The following UAP1 variants were observed in gnomAD, a reference collection of about 807,000 sequenced individuals.
UAP1 encodes the protein UDP-N-acetylglucosamine pyrophosphorylase 1.
In UAP1, 25 loss-of-function variants were observed where a neutral mutation model predicts 58.5. The ratio of observed to expected loss-of-function variants is 0.43; its 90% CI spans 0.31 to 0.60. The LOEUF (loss-of-function observed/expected upper bound fraction) is 0.60, where lower values mean the gene tolerates loss of function less well. Among genes scored for constraint, UAP1 ranks in the 20% least tolerant of loss-of-function variants. The pLI is 0.11. For missense variants in UAP1, 575 were observed against 630.0 expected, an observed-to-expected ratio of 0.91 and a Z score of 0.93; for synonymous variants, 208 against 213.0, an observed-to-expected ratio of 0.98 and a Z score of 0.21.
At chr1:162,593,809 C>T in intron 9 of UAP1, 1 of 151,794 alleles carries the variant, frequency 6.6e-6, no homozygotes, top group Non-Finnish European at 1.5e-5. Context: ...ATATGCAGGG[C>T]AAAAGATCTG....
intron 5 of UAP1, among the ~76,000 whole-genome samples, chr1:162,585,784 TA>T (rs11297669): frequency 0.99 from 147,002 of 148,282 alleles, 72,867 homozygotes; most frequent in Middle Eastern, 1. Flanking sequence ...CTGTGTGCGT[TA>T]AAAAAAAAAA....
chr1:162,594,806 A>T (rs1655522919), intron 9 of UAP1, among the ~76,000 whole-genome samples: 1 of 152,180 alleles, frequency 6.6e-6, no homozygotes, highest in Non-Finnish European at 1.5e-5. Context: ...CGCCCAGTTT[A>T]CTTCATTTTA....
rs566802079 is a variant in UAP1, at chr1:162,594,891, C to T, written c.1409+2109C>T. 1.6e-4 allele frequency among the ~76,000 whole-genome samples: 25 copies of T among 152,224 alleles called. No homozygotes were observed. The South Asian group carries it at 3.9e-3, about 24-fold the overall frequency. ...ACCATGCACTGAAAAAGAGTTCCTG[C>T]GTAATCCTTAGCACCAAAGGATGAC... On this transcript the variant is annotated intron_variant, in intron 9 of 10. Coordinates refer to ENST00000271469, the Ensembl canonical transcript of UAP1.
intron 5 of UAP1, among the ~76,000 whole-genome samples, chr1:162,583,146 C>CTTTTTTTTTTTTTTTTTTTTTTTTTTT (rs11376471): frequency 2.9e-5 from 2 of 68,044 alleles, no homozygotes; most frequent in African/African-American, 6.2e-5. Flanking sequence ...TGGTGTCACT[C>CTTTTTTTTTTTTTTTTTTTTTTTTTTT]TTTTTTTTTT....
chr1:162,564,639 T>C (rs1653375357), intron 1 of UAP1, among the ~76,000 whole-genome samples: 1 of 152,236 alleles, frequency 6.6e-6, no homozygotes, highest in South Asian at 2.1e-4. Flanking sequence ...ATCTATTGTA[T>C]CCATTGCTCC....
intron 1 of UAP1, among the ~76,000 whole-genome samples, chr1:162,564,344 A>G (rs557075698): frequency 1.8e-4 from 28 of 152,326 alleles, no homozygotes; most frequent in Non-Finnish European, 2.6e-4. Context: ...GGCATGGGGA[A>G]ATTAAGTGGC....
At position 162,576,920 on chromosome 1, in the gene UAP1, C is replaced by T. The variant is rs771507542; in HGVS notation, c.424C>T (p.Arg142Cys). Reference sequence around the variant, plus strand: ...GACACTTTTTCAGATTCAAGCAGAGCGTATCCTGAAGCTACAGCAGGTTGC... The same window carrying T: ...GACACTTTTTCAGATTCAAGCAGAGTGTATCCTGAAGCTACAGCAGGTTGC... The change falls in exon 3 of 11, where the codon CGT (arginine) becomes TGT (cysteine). Residue 142 changes from arginine (R) to cysteine (C), a missense_variant. Coordinates refer to ENST00000271469, the Ensembl canonical transcript of UAP1. 5.3e-5 allele frequency: 86 copies of T among 1,613,954 alleles called. No homozygotes were observed. The highest frequency in any genetic ancestry group is 4.7e-4 in the African/African-American group (35 of 74,880).
rs1325496734 is a variant in UAP1, at chr1:162,576,967, A to T, written c.471A>T (p.Lys157Asn). Residue 157 changes from lysine (K) to asparagine (N), a missense_variant, in exon 3 of 11, where the codon AAA becomes AAT. Coordinates refer to ENST00000271469, the Ensembl canonical transcript of UAP1. Reference sequence around the variant, plus strand: ...TTGCTGAAAAATATTATGGCAACAAATGCATTATTCCATGGTAAGATACGT... The same window carrying T: ...TTGCTGAAAAATATTATGGCAACAATTGCATTATTCCATGGTAAGATACGT... 4 of 1,614,024 alleles carry T rather than the reference A, an allele frequency of 2.5e-6. No homozygotes were observed. The highest frequency in any genetic ancestry group is 3.4e-6 in the Non-Finnish European group (4 of 1,179,988).
chr1:162,567,331 G>A (rs1653577519), intron 2 of UAP1, among the ~76,000 whole-genome samples: 1 of 152,138 alleles, frequency 6.6e-6, no homozygotes, highest in South Asian at 2.1e-4. Flanking sequence ...TGTACTAGTT[G>A]TCTCTGCATG....
intron 9 of UAP1, among the ~76,000 whole-genome samples, chr1:162,595,728 T>C (rs944130358): frequency 6.6e-6 from 1 of 152,228 alleles, no homozygotes; most frequent in Non-Finnish European, 1.5e-5. Flanking sequence ...AAGATGCACA[T>C]ACATAAAAGT....
intron 6 of UAP1, 55 bp downstream of exon 6, chr1:162,587,723 A>G: frequency 6.5e-7 from 1 of 1,546,798 alleles, no homozygotes; most frequent in African/African-American, 1.4e-5. Flanking sequence ...TCAGAAACTA[A>G]GACACTTGAG....
At chr1:162,571,259 G>T (rs1653846844) in intron 2 of UAP1, among the ~76,000 whole-genome samples, 1 of 151,892 alleles carries the variant, frequency 6.6e-6, no homozygotes, top group South Asian at 2.1e-4. Flanking sequence ...CTCCCCAGTA[G>T]CTGAGATTAT....
In UAP1 at chr1:162,593,115, A is replaced by G. The variant is rs1571093199; in HGVS notation, c.1409+333A>G. The G allele has an allele frequency of 1.2e-5, 4 of 323,456 alleles. No individual in the cohort carries two copies. The East Asian group carries it at 2.2e-4, about 18-fold the overall frequency. 20.0% of individuals were successfully genotyped at this position (323,456 alleles called of 1,614,324 possible). A position where few individuals can be genotyped will look rare whatever the true frequency, so the allele number is the denominator to read the frequency against. ...CATTTTGCACCTTTAACATAAGCTT[A>G]TACGGGGTTAAAAATACCATTCTGA... On this transcript the variant is annotated intron_variant, in intron 9 of 10. Transcript: ENST00000271469.
At chr1:162,596,207 G>A (rs541189186) in intron 9 of UAP1, among the ~76,000 whole-genome samples, 2 of 151,300 alleles carry the variant, frequency 1.3e-5, no homozygotes, top group East Asian at 1.9e-4. Context: ...ACAGAGTCTC[G>A]CTCTGTCACC....
chr1:162,585,270 T>C (rs1304052763), intron 5 of UAP1, among the ~76,000 whole-genome samples: 5 of 152,138 alleles, frequency 3.3e-5, no homozygotes, highest in Non-Finnish European at 5.9e-5. Context: ...TTTTTTTTTT[T>C]TCTGAGATAA....
chr1:162,592,903 T>C (rs1427583467), intron 9 of UAP1, 121 bp downstream of exon 9: 6 of 826,556 alleles, frequency 7.3e-6, no homozygotes, highest in Admixed American at 2.2e-5. Context: ...GTTGAAACTT[T>C]GGTGTGGGTG....
At position 162,588,836 on chromosome 1, in the gene UAP1, A is replaced by C. The variant is rs759621932; in HGVS notation, c.1169+3A>C. 1 of 1,611,358 alleles carries C rather than the reference A, an allele frequency of 6.2e-7. No homozygotes were observed. Among genetic ancestry groups the C allele is most frequent in the Non-Finnish European group, 8.5e-7 (1 of 1,179,126 alleles). ...TTTGACATCTTCCAGTTTGCAAAGT[A>C]TGCTTTGAATAGTACCAATAAGGTT... On this transcript the variant is annotated splice_donor_region_variant and intron_variant, in intron 7 of 10. Coordinates refer to ENST00000271469, the Ensembl canonical transcript of UAP1.
chr1:162,598,392 C>T (rs16863846), intron 10 of UAP1, among the ~76,000 whole-genome samples: 17,602 of 152,202 alleles, frequency 0.12, 1,269 homozygotes, highest in Middle Eastern at 0.15. Context: ...TTTGAGAATT[C>T]GTGTTATGGC....
exon 3 of UAP1, chr1:162,576,954 A>G (rs761640922): frequency 8.1e-6 from 13 of 1,614,082 alleles, no homozygotes; most frequent in Non-Finnish European, 1.7e-6. Context: ...GCTGAAAAAT[A>G]TTATGGCAAC....
Sources: allele counts gnomAD v4.1 joint callset (sites outside exome capture counted in the v4.1 genomes callset), GRCh38; gene constraint gnomAD v4.1.1; transcripts MANE v1.5; gene names NCBI Gene and HGNC (gene_info 2026-07-23, HGNC 2026-07-21).